The following ENPP3 variants were observed in gnomAD, a reference collection of about 807,000 sequenced individuals.
ENPP3 encodes the protein ectonucleotide pyrophosphatase/phosphodiesterase family member 3.
Under a neutral mutation model 117.8 loss-of-function variants are expected in ENPP3, and 104 were observed. That is an observed-to-expected ratio of 0.88 (90% confidence interval 0.75 to 1.04). ENPP3 has a LOEUF of 1.04. Among genes scored for constraint, ENPP3 ranks in the 50% least tolerant of loss-of-function variants. ENPP3 has a pLI of 0.00. For missense variants in ENPP3, 1,026 were observed against 1,051.9 expected (o/e 0.98, Z 0.34); for synonymous variants, 380 against 349.9 (o/e 1.09, Z -0.96).
chr6:131,730,107 C>T (rs1456091688), intron 20 of ENPP3, among the ~76,000 whole-genome samples: 9 of 152,090 alleles, frequency 5.9e-5, no homozygotes, highest in Admixed American at 5.9e-4. Context: ...TTTAGGGCTA[C>T]ATTTATATAC....
At chr6:131,719,807 C>T (rs529230537) in intron 16 of ENPP3, among the ~76,000 whole-genome samples, 2 of 150,704 alleles carry the variant, frequency 1.3e-5, no homozygotes, top group East Asian at 1.9e-4. Flanking sequence ...TCTTTTTATC[C>T]CAAAAGTAAA....
At chr6:131,736,159 G>A (rs1780392479) in intron 21 of ENPP3, among the ~76,000 whole-genome samples, 1 of 152,234 alleles carries the variant, frequency 6.6e-6, no homozygotes, top group Admixed American at 6.5e-5. Context: ...CACTTGGGCT[G>A]TCTGCTTCCA....
intron 15 of ENPP3, among the ~76,000 whole-genome samples, chr6:131,696,459 C>T (rs1254420251): frequency 6.6e-6 from 1 of 152,132 alleles, no homozygotes; most frequent in Admixed American, 6.5e-5. Context: ...GGGGTGGTTG[C>T]TGATCGGGGT....
intron 14 of ENPP3, among the ~76,000 whole-genome samples, chr6:131,689,195 A>G (rs1171869137): frequency 2.0e-5 from 3 of 152,226 alleles, no homozygotes; most frequent in Admixed American, 2.0e-4. Context: ...ATCATTGATG[A>G]AAATGGCCAC....
chr6:131,739,162 G>T (rs1304255284), intron 23 of ENPP3, among the ~76,000 whole-genome samples: 3 of 152,174 alleles, frequency 2.0e-5, no homozygotes, highest in East Asian at 3.8e-4. Flanking sequence ...CTAATAAGTG[G>T]TAAAGCCAGA....
At chr6:131,740,058 G>A (rs747173680) in intron 23 of ENPP3, among the ~76,000 whole-genome samples, 166 bp from the exon 24 acceptor site, 11 of 151,520 alleles carry the variant, frequency 7.3e-5, no homozygotes, top group Admixed American at 2.0e-4. Flanking sequence ...AACTTTGTAT[G>A]TAAGTTATTT....
At chr6:131,660,568 G>A (rs931489739) in intron 6 of ENPP3, among the ~76,000 whole-genome samples, 1 of 152,228 alleles carries the variant, frequency 6.6e-6, no homozygotes, top group African/African-American at 2.4e-5. Flanking sequence ...ATGGGAATCT[G>A]TGGATCAAAT....
chr6:131,737,952 A>G (rs778261018), intron 22 of ENPP3, 79 bp from the exon 23 acceptor site: 1 of 989,438 alleles, frequency 1.0e-6, no homozygotes, highest in Non-Finnish European at 1.4e-6. Context: ...TGTTATTTAA[A>G]TGTACTTGTC....
At chr6:131,744,332 C>T (rs948877508) in intron 24 of ENPP3, among the ~76,000 whole-genome samples, 24 of 152,248 alleles carry the variant, frequency 1.6e-4, no homozygotes, top group African/African-American at 5.5e-4. Flanking sequence ...GTAAGTTACT[C>T]AGCAGATATG....
At chr6:131,701,878 T>C (rs1332819917) in intron 15 of ENPP3, among the ~76,000 whole-genome samples, 13 of 135,590 alleles carry the variant, frequency 9.6e-5, no homozygotes, top group African/African-American at 3.4e-4. Context: ...CCAGACTCTG[T>C]CTCCAGAAAA....
chr6:131,688,127 T>C (rs760868122), intron 14 of ENPP3, among the ~76,000 whole-genome samples: 4 of 152,220 alleles, frequency 2.6e-5, no homozygotes, highest in Non-Finnish European at 4.4e-5. Context: ...TCTGGTGATA[T>C]GTGATCAGTT....
chr6:131,694,708 C>T (rs573622855), intron 15 of ENPP3, among the ~76,000 whole-genome samples: 3 of 152,002 alleles, frequency 2.0e-5, no homozygotes, highest in Admixed American at 6.5e-5. Flanking sequence ...CATGGTAGCA[C>T]CTGTAATCCA....
chr6:131,699,235 CAAAAAAA>C (rs4053087), intron 15 of ENPP3, among the ~76,000 whole-genome samples: 4 of 107,962 alleles, frequency 3.7e-5, no homozygotes, highest in Admixed American at 2.0e-4. Context: ...AAGACTGTCT[CAAAAAAA>C]AAAAAAAAAA....
chr6:131,709,776 C>T lies in ENPP3; in HGVS notation c.1413-8896C>T, dbSNP rs772780986. The T allele has an allele frequency of 4.8e-5, 77 of 1,613,704 alleles. No individual in the cohort carries two copies. In the East Asian group the frequency reaches 1.7e-3, roughly 36 times the overall value. ...TCTTTTCTTCCACTCTAGAAAGCTT[C>T]TCTTCTTCCTCTATTCGGTAATTTT... On this transcript the variant is annotated intron_variant, in intron 15 of 24. Transcript: ENST00000357639.
chr6:131,661,392 GT>G (rs1364413315), intron 6 of ENPP3, among the ~76,000 whole-genome samples: 2 of 151,856 alleles, frequency 1.3e-5, no homozygotes, highest in East Asian at 1.9e-4. Context: ...TGTTTTTGGG[GT>G]TTTTTTGATA....
At chr6:131,740,620 C>G (rs558150075) in intron 24 of ENPP3, among the ~76,000 whole-genome samples, 3 of 152,010 alleles carry the variant, frequency 2.0e-5, no homozygotes, top group Admixed American at 1.3e-4. Flanking sequence ...TATTTATATA[C>G]GTTTTATTCA....
chr6:131,640,284 G>A (rs1226178143), intron 1 of ENPP3, among the ~76,000 whole-genome samples: 2 of 152,160 alleles, frequency 1.3e-5, no homozygotes, highest in Non-Finnish European at 2.9e-5. Flanking sequence ...AGTTTCAGTC[G>A]ACTGTGTCTT....
At chr6:131,637,529 A>C (rs1777952427) in intron 1 of ENPP3, 67 bp downstream of exon 1, 1 of 892,730 alleles carries the variant, frequency 1.1e-6, no homozygotes, top group South Asian at 2.0e-5. Flanking sequence ...ATGATTTCCC[A>C]TTTACATTTC....
At chr6:131,677,828 G>A in intron 10 of ENPP3, 40 bp from the exon 11 acceptor site, 2 of 1,308,282 alleles carry the variant, frequency 1.5e-6, no homozygotes, top group South Asian at 1.2e-5. Context: ...TATGTTTATA[G>A]CAAATTGATA....
Sources: gnomAD v4.1 joint callset for allele counts (sites outside exome capture counted in the v4.1 genomes callset) on GRCh38, gnomAD v4.1.1 for gene constraint, MANE v1.5 for transcripts, NCBI Gene and HGNC (gene_info 2026-07-23, HGNC 2026-07-21) for gene names.